The following CFAP58 variants were observed in gnomAD, a reference collection of about 807,000 sequenced individuals.
The protein encoded by CFAP58 is cilia and flagella associated protein 58.
CFAP58 carries 88 observed loss-of-function variants against 119.5 expected under a neutral mutation model. The observed-to-expected ratio is 0.74, with a 90% confidence interval of 0.62 to 0.88. CFAP58 has a LOEUF of 0.88. Among genes scored for constraint, CFAP58 ranks in the 40% least tolerant of loss-of-function variants. The pLI, the probability that CFAP58 is intolerant of heterozygous loss-of-function variation, is 0.00. For missense variants in CFAP58, 990 were observed against 1,021.2 expected (o/e 0.97, Z 0.42); for synonymous variants, 365 against 366.3 (o/e 1.00, Z 0.04).
intron 15 of CFAP58, among the ~76,000 whole-genome samples, chr10:104,416,911 A>G (rs180926439): frequency 7.9e-5 from 12 of 152,328 alleles, no homozygotes; most frequent in Admixed American, 6.5e-4. Flanking sequence ...TTTATCATGT[A>G]TAGATTGCCT....
chr10:104,441,776 C>T (rs564836131), intron 15 of CFAP58, among the ~76,000 whole-genome samples: 37 of 152,270 alleles, frequency 2.4e-4, no homozygotes, highest in African/African-American at 7.9e-4. Context: ...GTAAGGAACT[C>T]GGCTGTGTAA....
At chr10:104,408,494 G>C (rs61861174) in intron 15 of CFAP58, among the ~76,000 whole-genome samples, 25,568 of 152,196 alleles carry the variant, frequency 0.17, 2,234 homozygotes, top group Middle Eastern at 0.33. Context: ...TCCCAAGTCT[G>C]TGCAGCTGGT....
At chr10:104,350,502 CATCT>C (rs767276411), upstream of CFAP58, among the ~76,000 whole-genome samples, 12 of 152,256 alleles carry the variant, frequency 7.9e-5, no homozygotes, top group Non-Finnish European at 1.5e-4. Context: ...TCCATTCATC[CATCT>C]GTGTTGATGC....
intron 15 of CFAP58, among the ~76,000 whole-genome samples, chr10:104,433,479 G>A (rs1318192163): frequency 1.3e-5 from 2 of 152,204 alleles, no homozygotes; most frequent in African/African-American, 4.8e-5. Flanking sequence ...GTGGAAATAG[G>A]GGAAGGGCAT....
upstream of CFAP58, chr10:104,353,690 G>A (rs981305883): frequency 2.6e-5 from 14 of 540,288 alleles, no homozygotes; most frequent in Non-Finnish European, 4.4e-5. Flanking sequence ...GGTGCCAGCC[G>A]CAGAAGCTCC....
chr10:104,391,194 G>A (rs2012032209), intron 9 of CFAP58, among the ~76,000 whole-genome samples: 1 of 152,174 alleles, frequency 6.6e-6, no homozygotes, highest in Non-Finnish European at 1.5e-5. Flanking sequence ...CAGGATGGCA[G>A]AAGTCTAAGA....
In CFAP58 at chr10:104,395,787, C is replaced by T. The variant is rs547102307; in HGVS notation, c.1674+2312C>T. ...TCTCATTATTGCGAGTTGTACGAAG[C>T]TACGCGGGTACATAATCCCTCTTGG... On this transcript the variant is annotated intron_variant, in intron 11 of 17. Transcript: ENST00000369704. Among the ~76,000 whole-genome samples, 4 of 152,320 alleles carry T rather than the reference C, an allele frequency of 2.6e-5. No individual in the cohort carries two copies. In the East Asian group the frequency reaches 7.7e-4, roughly 29 times the overall value.
At chr10:104,366,042 GA>G in intron 5 of CFAP58, 34 bp downstream of exon 5, 1 of 1,505,134 alleles carries the variant, frequency 6.6e-7, no homozygotes, top group Non-Finnish European at 8.9e-7. Context: ...AAAAAACCAA[GA>G]AAAACCCAGA....
Position 104,353,921 on chromosome 10 carries a change from C to A in CFAP58, c.9+15C>A. The A allele has an allele frequency of 6.2e-7, 1 of 1,613,558 alleles. No individual in the cohort carries two copies. Among genetic ancestry groups the A allele is most frequent in the Non-Finnish European group, 8.5e-7 (1 of 1,179,538 alleles). On this transcript the variant is annotated intron_variant, in intron 1 of 17. Coordinates refer to ENST00000369704, the MANE Select transcript of CFAP58 (RefSeq NM_001008723.2). ...GGATGGCTGAGGTCAGGAGTCAGCG[C>A]CCCTCTGTCGCCTTTCCCTTGACCC...
At chr10:104,440,865 C>T (rs571339380) in intron 15 of CFAP58, among the ~76,000 whole-genome samples, 1 of 152,094 alleles carries the variant, frequency 6.6e-6, no homozygotes, top group East Asian at 1.9e-4. Flanking sequence ...AAATTGATAT[C>T]ATCTCCACTT....
intron 15 of CFAP58, among the ~76,000 whole-genome samples, chr10:104,440,591 G>T (rs1261917389): frequency 6.6e-6 from 1 of 152,154 alleles, no homozygotes; most frequent in Non-Finnish European, 1.5e-5. Flanking sequence ...GAGGAGTTAT[G>T]TCTGTTATGC....
Position 104,367,611 on chromosome 10 carries a change from A to G in CFAP58, c.793-812A>G, listed in dbSNP as rs945868720. On this transcript the variant is annotated intron_variant, in intron 5 of 17. Transcript: ENST00000369704. ...TATGAAACACAATTTCATTTTTAGC[A>G]TAACTGGTTACATTTTATTTAGTCC... Among the ~76,000 whole-genome samples, 6 of 152,190 alleles carry G rather than the reference A, an allele frequency of 3.9e-5. No homozygotes were observed. In the East Asian group the frequency reaches 5.8e-4, roughly 15 times the overall value.
At chr10:104,379,989 C>A (rs756529928) in intron 8 of CFAP58, 40 bp from the exon 9 acceptor site, 3 of 1,564,350 alleles carry the variant, frequency 1.9e-6, no homozygotes, top group South Asian at 2.4e-5. Context: ...AATCCTTGAA[C>A]ATTATGAGTA....
intron 4 of CFAP58, 92 bp from the exon 5 acceptor site, chr10:104,365,722 C>A: frequency 2.6e-6 from 3 of 1,153,068 alleles, no homozygotes; most frequent in Non-Finnish European, 2.5e-6. Flanking sequence ...CCTTGACAAT[C>A]ACAGACCTGA....
chr10:104,397,306 C>A (rs1315913896), intron 11 of CFAP58, among the ~76,000 whole-genome samples: 2 of 152,140 alleles, frequency 1.3e-5, no homozygotes, highest in Admixed American at 1.3e-4. Flanking sequence ...TAGATGAGAT[C>A]TTTTCTCAAT....
intron 14 of CFAP58, among the ~76,000 whole-genome samples, chr10:104,404,239 T>TA (rs1171021922): frequency 1.3e-5 from 2 of 152,242 alleles, no homozygotes; most frequent in Non-Finnish European, 1.5e-5. Flanking sequence ...TTGCATCCTT[T>TA]TATTACTTAC....
intron 15 of CFAP58, among the ~76,000 whole-genome samples, chr10:104,447,196 T>A (rs1415114805): frequency 4.6e-5 from 7 of 151,788 alleles, no homozygotes; most frequent in East Asian, 1.9e-4. Flanking sequence ...TTTTTTTTTT[T>A]AAATAGAACC....
In CFAP58 at chr10:104,403,814, A is replaced by G. The variant is rs1479155216; in HGVS notation, c.2125A>G (p.Asn709Asp). 2 of 1,610,712 alleles carry G rather than the reference A, an allele frequency of 1.2e-6. No individual in the cohort carries two copies. The highest frequency in any genetic ancestry group is 1.1e-5 in the South Asian group (1 of 90,318). Residue 709 changes from asparagine to aspartate, a missense_variant, in exon 14 of 18, where the codon AAT becomes GAT. By Grantham distance (23) the Asn-to-Asp change is conservative (BLOSUM62 1). Coordinates refer to ENST00000369704, the MANE Select transcript of CFAP58 (RefSeq NM_001008723.2). ...ALEEELENPLNVHRWRKLEAS... is the reference protein window; with the variant it reads ...ALEEELENPLDVHRWRKLEAS... ...GGAGGAGGAGCTGGAGAATCCCCTG[A>G]ATGTGCACAGATGGAGGAAGCTCGA...
At chr10:104,390,373 A>G (rs558844132) in intron 9 of CFAP58, among the ~76,000 whole-genome samples, 13 of 152,340 alleles carry the variant, frequency 8.5e-5, no homozygotes, top group Admixed American at 7.2e-4. Flanking sequence ...AAGAGTAATT[A>G]TAAGATCCCA....
Sources: allele counts gnomAD v4.1 joint callset (sites outside exome capture counted in the v4.1 genomes callset), GRCh38; gene constraint gnomAD v4.1.1; transcripts MANE v1.5; gene names NCBI Gene and HGNC (gene_info 2026-07-23, HGNC 2026-07-21).